MYOC: variants seen among roughly 807,000 people sequenced by gnomAD.
MYOC encodes juvenile-onset open-angle glaucoma 1.
MYOC carries 29 observed loss-of-function variants against 28.2 expected under a neutral mutation model. The observed-to-expected ratio is 1.03, with a 90% confidence interval of 0.77 to 1.40. MYOC has a LOEUF of 1.40. Among genes scored for constraint, MYOC ranks in the 40% most tolerant of loss-of-function variants. The pLI is 0.00. For missense variants in MYOC, 569 were observed against 620.6 expected (o/e 0.92, Z 0.88); for synonymous variants, 240 against 245.6 (o/e 0.98, Z 0.21).
intron 2 of MYOC, 45 bp from the exon 3 acceptor site, chr1:171,636,754 T>C (rs765477802): frequency 6.3e-7 from 1 of 1,584,468 alleles, no homozygotes; most frequent in Admixed American, 1.7e-5. Context: ...TAATCCATAA[T>C]CTTTCCAAAC....
At chr1:171,641,841 G>C (rs561325982) in intron 1 of MYOC, among the ~76,000 whole-genome samples, 4 of 152,152 alleles carry the variant, frequency 2.6e-5, no homozygotes, top group Non-Finnish European at 5.9e-5. Flanking sequence ...CGAGAGGGTC[G>C]GGAAGACATG....
Position 171,645,865 on chromosome 1 carries a change from G to A in MYOC, c.604+6143C>T, listed in dbSNP as rs143499171. 3.9e-5 allele frequency among the ~76,000 whole-genome samples: 6 copies of A among 152,336 alleles called. No homozygotes were observed. In the East Asian group the frequency reaches 1.2e-3, roughly 29 times the overall value. Reference sequence around the variant, plus strand: ...AAGTTCCCTGCTGAATCCCACCATGGCCCTTACGGCTCTGAGCAAGGAGCC... The same window carrying A: ...AAGTTCCCTGCTGAATCCCACCATGACCCTTACGGCTCTGAGCAAGGAGCC... On this transcript the variant is annotated intron_variant, in intron 1 of 2. Transcript: ENST00000037502.
At chr1:171,647,236 G>A (rs1653224998) in intron 1 of MYOC, among the ~76,000 whole-genome samples, 1 of 152,140 alleles carries the variant, frequency 6.6e-6, no homozygotes, top group South Asian at 2.1e-4. Context: ...AAACAATAGT[G>A]GAACCCTGGC....
At chr1:171,638,343 C>T (rs1652975858) in intron 2 of MYOC, among the ~76,000 whole-genome samples, 1 of 152,136 alleles carries the variant, frequency 6.6e-6, no homozygotes, top group Non-Finnish European at 1.5e-5. Flanking sequence ...CTGTGCAGCC[C>T]AGCCCAGCCT....
Position 171,652,103 on chromosome 1 carries a change from A to T in MYOC, c.509T>A (p.Leu170Ter). 6.2e-7 allele frequency: 1 copy of T among 1,613,916 alleles called. No individual in the cohort carries two copies. Among genetic ancestry groups the T allele is most frequent in the Non-Finnish European group, 8.5e-7 (1 of 1,179,978 alleles). The change falls in exon 1 of 3, where the codon TTG becomes TAG. Residue 170 changes from leucine (L) to a stop codon, truncating the protein, a stop_gained. Transcript: ENST00000037502. LOFTEE classifies it high-confidence loss of function. ...TGCTACCTCCTGGCTGCTGCTTTCC[A>T]ACCTCCTGGCCAGATTCTCATTTTC... is the stretch of plus-strand genomic sequence containing the variant. ...RQENENLARR[L>*]ESSSQEVARL...
In MYOC at chr1:171,652,420, C is replaced by T; in HGVS notation, c.192G>A (p.Gln64=). 6.2e-7 allele frequency: 1 copy of T among 1,614,214 alleles called. No individual in the cohort carries two copies. Among genetic ancestry groups the T allele is most frequent in the Non-Finnish European group, 8.5e-7 (1 of 1,180,042 alleles). ...TATGGATGACTGACATGGCCTGGCT[C>T]TGCTCTGGGCAGCTGGATTCATTGG... ...ASPNESSCPE[Q]SQAMSVIHNL... is the part of the protein sequence containing the mutation. Residue 64 remains glutamine, a synonymous_variant, in exon 1 of 3, where the codon CAG becomes CAA. Coordinates refer to ENST00000037502, the MANE Select transcript of MYOC (RefSeq NM_000261.2).
At chr1:171,644,787 G>A (rs563749100) in intron 1 of MYOC, among the ~76,000 whole-genome samples, 172 of 152,310 alleles carry the variant, frequency 1.1e-3, no homozygotes, top group Admixed American at 2.9e-3. Context: ...AGCCAGTACT[G>A]TGCTGGGTGC....
Position 171,652,648 on chromosome 1 carries a change from G to T in MYOC, c.-37C>A. Reference sequence around the variant, plus strand: ...GGTGAGGCTTCCTCTGGAAAGCTCTGCTGTGCTGAGAGGTGCCTGGATGGG... The same window carrying T: ...GGTGAGGCTTCCTCTGGAAAGCTCTTCTGTGCTGAGAGGTGCCTGGATGGG... On this transcript the variant is annotated 5_prime_UTR_variant, in exon 1 of 3. Coordinates refer to ENST00000037502, the MANE Select transcript of MYOC (RefSeq NM_000261.2). 1.9e-6 allele frequency: 3 copies of T among 1,612,720 alleles called. No individual in the cohort carries two copies. The highest frequency in any genetic ancestry group is 2.5e-6 in the Non-Finnish European group (3 of 1,179,914).
At chr1:171,650,166 A>G (rs1330298862) in intron 1 of MYOC, among the ~76,000 whole-genome samples, 2 of 152,154 alleles carry the variant, frequency 1.3e-5, no homozygotes, top group Non-Finnish European at 2.9e-5. Context: ...CACAAAAGAA[A>G]AAAAAAGGCA....
At chr1:171,636,798 C>A in intron 2 of MYOC, 89 bp from the exon 3 acceptor site, 1 of 1,427,922 alleles carries the variant, frequency 7.0e-7, no homozygotes, top group Non-Finnish European at 9.7e-7. Context: ...TTGGCAGAGC[C>A]AGTAGATGTG....
At chr1:171,646,256 T>C (rs1162166271) in intron 1 of MYOC, among the ~76,000 whole-genome samples, 1 of 152,204 alleles carries the variant, frequency 6.6e-6, no homozygotes, top group Non-Finnish European at 1.5e-5. Context: ...GGTAAATGAC[T>C]CCACCTCTCT....
chr1:171,638,782 A>T, intron 1 of MYOC, 60 bp from the exon 2 acceptor site: 1 of 1,588,972 alleles, frequency 6.3e-7, no homozygotes, highest in Non-Finnish European at 8.6e-7. Flanking sequence ...AGGATTGACT[A>T]TGTTGAGGAT....
rs758257704 is a variant in MYOC, at chr1:171,636,425, C to A, written c.1015G>T (p.Ala339Ser). The change falls in exon 3 of 3, where the codon GCT becomes TCT. Residue 339 changes from alanine (A) to serine (S), a missense_variant. Transcript: ENST00000037502. Reference sequence around the variant, plus strand: ...TATCTTATGACAGTTCTGGACTCAGCGCCCTGGAAATAGAGGCTCCCCGAG... The same window carrying A: ...TATCTTATGACAGTTCTGGACTCAGAGCCCTGGAAATAGAGGCTCCCCGAG... ...VYSGSLYFQG[A>S]ESRTVIRYEL... 6.2e-7 allele frequency: 1 copy of A among 1,614,130 alleles called. No individual in the cohort carries two copies. The highest frequency in any genetic ancestry group is 2.2e-5 in the East Asian group (1 of 44,874).
At chr1:171,646,681 G>A (rs773318751) in intron 1 of MYOC, among the ~76,000 whole-genome samples, 16 of 151,936 alleles carry the variant, frequency 1.1e-4, no homozygotes, top group South Asian at 2.1e-4. Flanking sequence ...ATTTTTAGTA[G>A]AGACAGGGTT....
chr1:171,636,528 G>A lies in MYOC; in HGVS notation c.912C>T (p.Ile304=), dbSNP rs1247652296. ...DVRQVFEYDL[I]SQFMQGYPSK... The stretch of plus-strand genomic sequence containing the variant: ...AAGGGTAGCCCTGCATAAACTGGCT[G>A]ATGAGGTCATACTCAAAAACCTGGC... The change falls in exon 3 of 3, where the codon ATC becomes ATT. Residue 304 remains isoleucine (I), a synonymous_variant. Coordinates refer to ENST00000037502, the MANE Select transcript of MYOC (RefSeq NM_000261.2). The A allele has an allele frequency of 1.9e-6, 3 of 1,609,522 alleles. No homozygotes were observed. Among genetic ancestry groups the A allele is most frequent in the East Asian group, 2.2e-5 (1 of 44,836 alleles).
chr1:171,650,024 G>A (rs1460798448), intron 1 of MYOC, among the ~76,000 whole-genome samples: 3 of 152,052 alleles, frequency 2.0e-5, no homozygotes, highest in Non-Finnish European at 4.4e-5. Flanking sequence ...TACTAGAAAA[G>A]AACTTCCATG....
chr1:171,650,656 G>A (rs527605314), intron 1 of MYOC, among the ~76,000 whole-genome samples: 35 of 152,226 alleles, frequency 2.3e-4, no homozygotes, highest in Admixed American at 1.4e-3. Context: ...TGCCTTTCAC[G>A]TAGAAGGCTC....
At chr1:171,647,480 C>T (rs770124918) in intron 1 of MYOC, among the ~76,000 whole-genome samples, 9 of 152,076 alleles carry the variant, frequency 5.9e-5, no homozygotes, top group East Asian at 5.8e-4. Flanking sequence ...GCCAAGACCA[C>T]GCCACTGCAC....
chr1:171,635,974 C>T lies in MYOC; in HGVS notation c.1466G>A (p.Trp489Ter). 1 of 1,614,190 alleles carries T rather than the reference C, an allele frequency of 6.2e-7. No individual in the cohort carries two copies. The highest frequency in any genetic ancestry group is 8.5e-7 in the Non-Finnish European group (1 of 1,180,036). ...ATAAGTGACCATGTTCAAGTTGTCC[C>T]AGGCAAAGAGCTTCTTCTCCAGGGG... ...YNPLEKKLFA[W>*]DNLNMVTYDI... The change falls in exon 3 of 3, where the codon TGG becomes TAG. Residue 489 changes from tryptophan (W) to a stop codon, truncating the protein, a stop_gained. Transcript: ENST00000037502. LOFTEE classifies it high-confidence loss of function.
Sources: allele counts gnomAD v4.1 joint callset (sites outside exome capture counted in the v4.1 genomes callset), GRCh38; gene constraint gnomAD v4.1.1; transcripts MANE v1.5; gene names NCBI Gene and HGNC (gene_info 2026-07-23, HGNC 2026-07-21).